Variants in NMNAT3 observed in about 807,000 individuals in gnomAD.
NMNAT3 encodes the protein nicotinamide/nicotinic acid mononucleotide adenylyltransferase 3.
NMNAT3 carries 21 observed loss-of-function variants against 24.8 expected under a neutral mutation model. That is an observed-to-expected ratio of 0.85 (90% confidence interval 0.60 to 1.22). The LOEUF (loss-of-function observed/expected upper bound fraction) is 1.22. NMNAT3 is among the 50% of genes most tolerant of loss of function. The pLI, the probability that NMNAT3 is intolerant of heterozygous loss-of-function variation, is 0.00. For synonymous variants in NMNAT3, 136 were observed against 155.2 expected, an observed-to-expected ratio of 0.88 and a Z score of 0.92; for missense variants, 387 against 436.6, an observed-to-expected ratio of 0.89 and a Z score of 1.01.
intron 6 of NMNAT3, among the ~76,000 whole-genome samples, chr3:139,564,602 G>A (rs1936896486): frequency 6.6e-6 from 1 of 152,222 alleles, no homozygotes; most frequent in Non-Finnish European, 1.5e-5. Flanking sequence ...TGAGCCCAAG[G>A]AGGCCTGCAA....
intron 1 of NMNAT3, among the ~76,000 whole-genome samples, chr3:139,674,254 G>A (rs1386903256): frequency 6.6e-6 from 1 of 152,210 alleles, no homozygotes; most frequent in East Asian, 1.9e-4. Flanking sequence ...GCAATAGATT[G>A]CCTTTCTATT....
chr3:139,648,042 T>A (rs1214543560), intron 1 of NMNAT3, among the ~76,000 whole-genome samples: 1 of 152,192 alleles, frequency 6.6e-6, no homozygotes, highest in Non-Finnish European at 1.5e-5. Flanking sequence ...AGTGATATGG[T>A]TTGGCTGTGG....
chr3:139,674,221 G>A (rs2057852207), intron 1 of NMNAT3, among the ~76,000 whole-genome samples: 1 of 152,250 alleles, frequency 6.6e-6, no homozygotes, highest in Admixed American at 6.5e-5. Context: ...TTTCCCTGGA[G>A]CTGATTTCTC....
intron 6 of NMNAT3, among the ~76,000 whole-genome samples, chr3:139,561,843 A>G (rs169825): frequency 0.34 from 51,503 of 151,990 alleles, 10,475 homozygotes; most frequent in South Asian, 0.64. Context: ...GTTACTAGGA[A>G]CTAGTACCTG....
intron 3 of NMNAT3, among the ~76,000 whole-genome samples, chr3:139,602,097 T>C (rs922100452): frequency 4.6e-5 from 7 of 152,184 alleles, no homozygotes; most frequent in African/African-American, 1.7e-4. Context: ...TTCAATAAAA[T>C]AGGTCATGGA....
chr3:139,593,032 A>G (rs1216784188), intron 3 of NMNAT3, among the ~76,000 whole-genome samples: 12 of 152,224 alleles, frequency 7.9e-5, no homozygotes, highest in Non-Finnish European at 1.5e-4. Flanking sequence ...GGCAAATTGG[A>G]TAAAGAGTCA....
At chr3:139,621,020 C>A (rs1294718188) in intron 3 of NMNAT3, among the ~76,000 whole-genome samples, 1 of 152,124 alleles carries the variant, frequency 6.6e-6, no homozygotes, top group Non-Finnish European at 1.5e-5. Flanking sequence ...TGGGCTCAAG[C>A]CATCCTCTCA....
intron 3 of NMNAT3, among the ~76,000 whole-genome samples, chr3:139,596,946 ATATATATATATATATATATT>A (rs370906483): frequency 1.7e-4 from 17 of 102,454 alleles, no homozygotes; most frequent in Non-Finnish European, 3.5e-4. Flanking sequence ...ATATATATAT[ATATATATATATATATATATT>A]TTTATTACAT....
At chr3:139,604,682 ACTGT>A (rs780475772) in intron 3 of NMNAT3, among the ~76,000 whole-genome samples, 1 of 152,206 alleles carries the variant, frequency 6.6e-6, no homozygotes, top group Non-Finnish European at 1.5e-5. Context: ...ATTTTAACAC[ACTGT>A]CTGCACATTG....
intron 3 of NMNAT3, among the ~76,000 whole-genome samples, chr3:139,603,394 T>C (rs2108226244): frequency 6.6e-6 from 1 of 152,272 alleles, no homozygotes; most frequent in African/African-American, 2.4e-5. Context: ...CTTAGGAAAA[T>C]ATTTTACAAT....
intron 3 of NMNAT3, among the ~76,000 whole-genome samples, chr3:139,600,013 C>T (rs528924302): frequency 3.2e-4 from 49 of 152,194 alleles, no homozygotes; most frequent in Non-Finnish European, 6.0e-4. Context: ...CATCTGCCCT[C>T]TCTCCTCAGT....
intron 3 of NMNAT3, among the ~76,000 whole-genome samples, chr3:139,612,831 A>G (rs1169262427): frequency 1.3e-5 from 2 of 152,192 alleles, no homozygotes; most frequent in South Asian, 2.1e-4. Flanking sequence ...ATAATGCCAC[A>G]TATCTACAAC....
rs548616879 is a variant in NMNAT3, at chr3:139,665,173, T to C, written c.-141+12532A>G. On this transcript the variant is annotated intron_variant, in intron 1 of 6. Transcript: ENST00000643695. ...GGCTTCAGGCTGGAGTCTTCTGGGATACACCCTGTACACGAAGCCAGGCCA... is the reference window on the plus strand; with the variant it reads ...GGCTTCAGGCTGGAGTCTTCTGGGACACACCCTGTACACGAAGCCAGGCCA... Among the ~76,000 whole-genome samples, 120 of 152,272 alleles carry C rather than the reference T, an allele frequency of 7.9e-4. 2 individuals carry two copies. The South Asian group carries it at 0.015, about 19-fold the overall frequency.
At position 139,562,570 on chromosome 3, in the gene NMNAT3, G is replaced by C. The variant is rs1198827844; in HGVS notation, c.659-1178C>G. Among the ~76,000 whole-genome samples the C allele has an allele frequency of 3.9e-5, 6 of 152,226 alleles. No individual in the cohort carries two copies. In the East Asian group the frequency reaches 1.2e-3, roughly 29 times the overall value. On this transcript the variant is annotated intron_variant, in intron 6 of 6. Coordinates refer to ENST00000643695, the MANE Select transcript of NMNAT3 (RefSeq NM_001320510.2). ...GGGCTACCATACTGGAGAAAAACTT[G>C]TGTAAATGGTCAGTTTAGGATCCTC...
chr3:139,616,362 C>T (rs1041025882), intron 3 of NMNAT3, among the ~76,000 whole-genome samples: 8 of 152,066 alleles, frequency 5.3e-5, no homozygotes, highest in African/African-American at 1.2e-4. Flanking sequence ...CTTTGTAAGC[C>T]GATTCTCCTT....
chr3:139,661,130 C>G (rs2057402147), intron 1 of NMNAT3, among the ~76,000 whole-genome samples: 1 of 152,080 alleles, frequency 6.6e-6, no homozygotes, highest in Admixed American at 6.6e-5. Flanking sequence ...AAAGACTCAG[C>G]CAACTGTTTC....
intron 3 of NMNAT3, chr3:139,599,345 T>C: frequency 1.4e-6 from 1 of 702,474 alleles, no homozygotes; most frequent in Non-Finnish European, 2.6e-6. Flanking sequence ...AGCTTGGTGT[T>C]TCTGTGGGCA....
intron 1 of NMNAT3, among the ~76,000 whole-genome samples, chr3:139,653,200 T>C (rs1160990585): frequency 2.0e-5 from 3 of 152,198 alleles, no homozygotes; most frequent in Admixed American, 6.5e-5. Flanking sequence ...TTGGATTAAA[T>C]GGCTCCTAAG....
intron 1 of NMNAT3, among the ~76,000 whole-genome samples, chr3:139,674,919 G>C (rs1414501506): frequency 2.6e-5 from 4 of 152,134 alleles, no homozygotes; most frequent in Non-Finnish European, 5.9e-5. Context: ...GCTCCTAACA[G>C]CCCTATGAAT....
Sources: allele counts gnomAD v4.1 joint callset (sites outside exome capture counted in the v4.1 genomes callset), GRCh38; gene constraint gnomAD v4.1.1; transcripts MANE v1.5; gene names NCBI Gene and HGNC (gene_info 2026-07-23, HGNC 2026-07-21).